TAF2: variants seen among roughly 807,000 people sequenced by gnomAD.
The protein encoded by TAF2 is TATA-box binding protein associated factor 2, also known as transcription initiation factor TFIID subunit 2.
TAF2 carries 61 observed loss-of-function variants against 138.5 expected under a neutral mutation model. The observed-to-expected ratio is 0.44, with a 90% CI of 0.36 to 0.54. The LOEUF (loss-of-function observed/expected upper bound fraction) is 0.54, where lower values mean the gene tolerates loss of function less well. TAF2 is among the 20% of genes least tolerant of loss of function. TAF2 has a pLI of 0.00. For missense variants in TAF2, 1,090 were observed against 1,427.9 expected (o/e 0.76, Z 3.81); for synonymous variants, 475 against 469.9 (o/e 1.01, Z -0.14).
intron 3 of TAF2, among the ~76,000 whole-genome samples, chr8:119,807,357 T>TG (rs1824731738): frequency 6.6e-6 from 1 of 152,232 alleles, no homozygotes; most frequent in Non-Finnish European, 1.5e-5. Context: ...TGTTCTCAAC[T>TG]GGTTTTTAAA....
intron 7 of TAF2, 73 bp downstream of exon 7, chr8:119,797,589 G>T: frequency 1.4e-6 from 2 of 1,456,174 alleles, no homozygotes; most frequent in Non-Finnish European, 1.9e-6. Flanking sequence ...TCTTAAAATT[G>T]ACCGCAAAAT....
chr8:119,829,060 C>T (rs16893201), intron 2 of TAF2, among the ~76,000 whole-genome samples: 15,175 of 152,188 alleles, frequency 0.1, 1,127 homozygotes, highest in African/African-American at 0.21. Context: ...GGAGCACTAG[C>T]TTTTCATCTC....
intron 3 of TAF2, among the ~76,000 whole-genome samples, chr8:119,818,846 G>A (rs1463008437): frequency 2.6e-5 from 4 of 151,854 alleles, no homozygotes; most frequent in Non-Finnish European, 5.9e-5. Flanking sequence ...ATAAAAATCA[G>A]AAGTAGCCTC....
intron 2 of TAF2, among the ~76,000 whole-genome samples, chr8:119,824,055 T>C (rs909881788): frequency 3.3e-5 from 5 of 152,272 alleles, no homozygotes; most frequent in African/African-American, 1.2e-4. Context: ...AAGCGGTGAC[T>C]TGGGTGCTGT....
chr8:119,814,737 CAAA>C (rs397795248), intron 3 of TAF2, among the ~76,000 whole-genome samples: 15 of 86,468 alleles, frequency 1.7e-4, no homozygotes, highest in East Asian at 7.2e-4. Context: ...ACCAAAAATA[CAAA>C]AAAAAAAAAA....
At chr8:119,788,518 G>T in intron 13 of TAF2, 71 bp from the exon 14 acceptor site, 1 of 1,059,340 alleles carries the variant, frequency 9.4e-7, no homozygotes, top group Non-Finnish European at 1.4e-6. Flanking sequence ...TATGTGTACA[G>T]AGAAATATAA....
intron 18 of TAF2, among the ~76,000 whole-genome samples, chr8:119,777,175 T>C (rs1016385176): frequency 6.6e-6 from 1 of 152,186 alleles, no homozygotes; most frequent in Non-Finnish European, 1.5e-5. Flanking sequence ...TTATATAACA[T>C]TTATATAAAG....
intron 13 of TAF2, among the ~76,000 whole-genome samples, 162 bp from the exon 14 acceptor site, chr8:119,788,609 T>G (rs1456438715): frequency 7.7e-6 from 1 of 129,204 alleles, no homozygotes; most frequent in Non-Finnish European, 1.8e-5. Flanking sequence ...AACTGGAAGA[T>G]TCTGAGTCCC....
At chr8:119,747,085 A>G in intron 22 of TAF2, 151 bp from the exon 23 acceptor site, 1 of 783,920 alleles carries the variant, frequency 1.3e-6, no homozygotes, top group Admixed American at 2.4e-5. Context: ...GACATCAACC[A>G]AAAATCTAAC....
chr8:119,806,469 CT>C (rs71571631), intron 3 of TAF2, 68 bp from the exon 4 acceptor site: 72,648 of 752,074 alleles, frequency 0.097, 105 homozygotes, highest in East Asian at 0.14. Context: ...TTCTTTCTTT[CT>C]TTTTTTTTTT....
intron 18 of TAF2, among the ~76,000 whole-genome samples, chr8:119,765,066 GT>G (rs1213227202): frequency 6.6e-6 from 1 of 152,132 alleles, no homozygotes; most frequent in African/African-American, 2.4e-5. Context: ...CTCCACTGTT[GT>G]GTTTTTGCTA....
At chr8:119,737,237 A>C (rs1404160281) in intron 25 of TAF2, among the ~76,000 whole-genome samples, 1 of 152,220 alleles carries the variant, frequency 6.6e-6, no homozygotes, top group Non-Finnish European at 1.5e-5. Context: ...ATGACATAAA[A>C]GAATTAGTAA....
At chr8:119,755,575 T>G (rs903602877) in intron 22 of TAF2, among the ~76,000 whole-genome samples, 1 of 152,164 alleles carries the variant, frequency 6.6e-6, no homozygotes, top group Admixed American at 6.5e-5. Context: ...TAATAAGTAT[T>G]TTGAAAAAAT....
In TAF2 at chr8:119,795,529, T is replaced by C. The variant is rs762625751; in HGVS notation, c.1191+3A>G. The C allele has an allele frequency of 6.1e-5, 98 of 1,611,148 alleles. No homozygotes were observed. Among genetic ancestry groups the C allele is most frequent in the Non-Finnish European group, 8.1e-5 (95 of 1,177,544 alleles). Reference sequence around the variant, plus strand: ...AGTGGATAAGGGATCTAGCTGTTATTACCTCTTTAATCCAATGGCGGTACT... The same window carrying C: ...AGTGGATAAGGGATCTAGCTGTTATCACCTCTTTAATCCAATGGCGGTACT... On this transcript the variant is annotated splice_donor_region_variant and intron_variant, in intron 9 of 25. Transcript: ENST00000378164.
At position 119,746,857 on chromosome 8, in the gene TAF2, A is replaced by C; in HGVS notation, c.2956T>G (p.Cys986Gly). ...FTLFGLSRPS[C>G]LPLPELGLVL... Reference sequence around the variant, plus strand: ...AACCCAAGCTCTGGCAAGGGTAAACAGGAAGGTCTACTGAGGCCAAAAAGT... The same window carrying C: ...AACCCAAGCTCTGGCAAGGGTAAACCGGAAGGTCTACTGAGGCCAAAAAGT... Residue 986 changes from cysteine to glycine, a missense_variant, in exon 23 of 26, where the codon TGT becomes GGT. By Grantham distance (159) the Cys-to-Gly change is radical (BLOSUM62 -3). Around this residue, in one of 3 missense-constraint regions of TAF2, gnomAD observed 580 missense variants for 719.6 expected, o/e 0.81. Coordinates refer to ENST00000378164, the MANE Select transcript of TAF2 (RefSeq NM_003184.4). 4 of 1,614,150 alleles carry C rather than the reference A, an allele frequency of 2.5e-6. No individual in the cohort carries two copies. Among genetic ancestry groups the C allele is most frequent in the Non-Finnish European group, 3.4e-6 (4 of 1,180,018 alleles).
chr8:119,747,048 A>G lies in TAF2; in HGVS notation c.2879-114T>C, dbSNP rs1353586520. On this transcript the variant is annotated intron_variant, in intron 22 of 25. Coordinates refer to ENST00000378164, the MANE Select transcript of TAF2 (RefSeq NM_003184.4). ...TTATAACTGGAAAAACCTTTATCAC[A>G]CCTTTCATCTTACAAAATGAATACT... The G allele has an allele frequency of 4.7e-6, 5 of 1,067,978 alleles. No homozygotes were observed. In the East Asian group the frequency reaches 1.0e-4, roughly 22 times the overall value. 66.2% of individuals were successfully genotyped at this position (1,067,978 alleles called of 1,614,324 possible). A position where few individuals can be genotyped will look rare whatever the true frequency, so the allele number is the denominator to read the frequency against.
chr8:119,832,382 C>T lies in TAF2; in HGVS notation c.83+100G>A. The T allele has an allele frequency of 3.7e-6, 4 of 1,093,122 alleles. No homozygotes were observed. In the Admixed American group the frequency reaches 5.8e-5, roughly 16 times the overall value. The allele number at this position is 1,093,122 out of a possible 1,614,324, so 67.7% of individuals were successfully genotyped here. On this transcript the variant is annotated intron_variant, in intron 1 of 25. Coordinates refer to ENST00000378164, the MANE Select transcript of TAF2 (RefSeq NM_003184.4). Reference sequence around the variant, plus strand: ...ACAGTGAGTAAATTCTAGTTTCCCACTAGGTTTCCCAGGCCCACCAAGTCA... The same window carrying T: ...ACAGTGAGTAAATTCTAGTTTCCCATTAGGTTTCCCAGGCCCACCAAGTCA...
chr8:119,795,283 T>C (rs1269795195), intron 9 of TAF2, among the ~76,000 whole-genome samples: 1 of 152,180 alleles, frequency 6.6e-6, no homozygotes, highest in Non-Finnish European at 1.5e-5. Flanking sequence ...AGCTGGGACA[T>C]ACCTAACGAC....
intron 2 of TAF2, among the ~76,000 whole-genome samples, chr8:119,822,987 TTC>T (rs1196495487): frequency 8.5e-5 from 13 of 152,168 alleles, no homozygotes; most frequent in Non-Finnish European, 1.3e-4. Flanking sequence ...CATCTTTCCC[TTC>T]TGTTTAAGAA....
Sources: gnomAD v4.1 joint callset for allele counts (sites outside exome capture counted in the v4.1 genomes callset) on GRCh38, gnomAD v4.1.1 for gene constraint, gnomAD v4.1.1 regional missense constraint, MANE v1.5 for transcripts, NCBI Gene and HGNC (gene_info 2026-07-23, HGNC 2026-07-21) for gene names.